The following TP63 variants were observed in gnomAD, a reference collection of about 807,000 sequenced individuals.
TP63 encodes tumor protein p63.
Under a neutral mutation model 82.8 loss-of-function variants are expected in TP63, and 17 were observed. The observed-to-expected ratio is 0.21, with a 90% CI of 0.14 to 0.31. The LOEUF (loss-of-function observed/expected upper bound fraction) is 0.31. Among genes scored for constraint, TP63 ranks in the 10% least tolerant of loss-of-function variants. The pLI is 1.00. For synonymous variants in TP63, 330 were observed against 321.7 expected (o/e 1.03, Z -0.28); for missense variants, 648 against 895.3 (o/e 0.72, Z 3.52).
rs1454332486 is a variant in TP63, at chr3:189,891,315, A to G, written c.1746+433A>G. 3.3e-5 allele frequency among the ~76,000 whole-genome samples: 5 copies of G among 152,364 alleles called. No homozygotes were observed. In the East Asian group the frequency reaches 9.6e-4, roughly 29 times the overall value. On this transcript the variant is annotated intron_variant, in intron 13 of 13. Transcript: ENST00000264731. ...GACACAGTAGTCATTTGCCATGACT[A>G]TTTAAAACAAAACTAGGAATAGAAC...
chr3:189,828,036 T>C (rs564246990), intron 4 of TP63, among the ~76,000 whole-genome samples: 2 of 151,342 alleles, frequency 1.3e-5, no homozygotes, highest in African/African-American at 4.9e-5. Flanking sequence ...AGGTCTGGAG[T>C]TCAAGACCAG....
the TP63 span, among the ~76,000 whole-genome samples, chr3:189,620,569 G>T: frequency 6.7e-6 from 1 of 148,312 alleles, no homozygotes. Flanking sequence ...GAAAAGAAGA[G>T]AATTCAATAG....
At chr3:189,659,139 T>TGAA (rs1713654141) in intron 1 of TP63, among the ~76,000 whole-genome samples, 1 of 152,162 alleles carries the variant, frequency 6.6e-6, no homozygotes, top group East Asian at 1.9e-4. Flanking sequence ...TGCATGATGC[T>TGAA]GAAGTCTGGA....
intron 1 of TP63, among the ~76,000 whole-genome samples, chr3:189,683,988 G>T (rs768681313): frequency 6.6e-6 from 1 of 152,086 alleles, no homozygotes; most frequent in African/African-American, 2.4e-5. Context: ...TTACACCCTG[G>T]ACATCTGCAG....
At chr3:189,709,196 G>C (rs1718418456) in intron 1 of TP63, among the ~76,000 whole-genome samples, 1 of 152,254 alleles carries the variant, frequency 6.6e-6, no homozygotes, top group South Asian at 2.1e-4. Flanking sequence ...GAACAAGGAA[G>C]ATACAATATG....
In TP63 at chr3:189,646,499, T is replaced by C. The variant is rs1712435717; in HGVS notation, c.62+14922T>C. Among the ~76,000 whole-genome samples, 2 of 147,572 alleles carry C rather than the reference T, an allele frequency of 1.4e-5. 1 individual carries two copies. The highest frequency in any genetic ancestry group is 5.1e-5 in the African/African-American group (2 of 39,448). On this transcript the variant is annotated intron_variant, in intron 1 of 13. Coordinates refer to ENST00000264731, the MANE Select transcript of TP63 (RefSeq NM_003722.5). Reference sequence around the variant, plus strand: ...CAATGACTAAACTTTTAATTATTTCTGGATATACATTATAGCTAACATTGA... The same window carrying C: ...CAATGACTAAACTTTTAATTATTTCCGGATATACATTATAGCTAACATTGA...
At chr3:189,711,241 T>C (rs935960975) in intron 1 of TP63, among the ~76,000 whole-genome samples, 1 of 152,164 alleles carries the variant, frequency 6.6e-6, no homozygotes, top group Non-Finnish European at 1.5e-5. Flanking sequence ...CCTTGTGGAA[T>C]TTAGGCCAAG....
intron 1 of TP63, among the ~76,000 whole-genome samples, chr3:189,694,062 T>C (rs989596857): frequency 6.6e-6 from 1 of 152,236 alleles, no homozygotes; most frequent in Non-Finnish European, 1.5e-5. Context: ...TAATAAAGTA[T>C]GTTGGTGTTA....
chr3:189,714,762 CAGAGTT>C (rs1473952170), intron 1 of TP63, among the ~76,000 whole-genome samples: 1 of 152,124 alleles, frequency 6.6e-6, no homozygotes, highest in East Asian at 1.9e-4. Context: ...GCTTGCTTCT[CAGAGTT>C]AGAGTCATTG....
At chr3:189,842,648 A>G (rs1714305531) in intron 4 of TP63, among the ~76,000 whole-genome samples, 1 of 152,170 alleles carries the variant, frequency 6.6e-6, no homozygotes, top group Non-Finnish European at 1.5e-5. Context: ...TTTAATCAGC[A>G]CTGAGAAGAG....
chr3:189,632,469 G>A (rs1729522263), intron 1 of TP63, among the ~76,000 whole-genome samples: 1 of 152,106 alleles, frequency 6.6e-6, no homozygotes, highest in Non-Finnish European at 1.5e-5. Context: ...AGTAGAGTGT[G>A]AAAGATTTGT....
At chr3:189,659,815 A>G (rs767406940) in intron 1 of TP63, among the ~76,000 whole-genome samples, 5 of 151,938 alleles carry the variant, frequency 3.3e-5, no homozygotes, top group Non-Finnish European at 5.9e-5. Flanking sequence ...GAAGTTAAGC[A>G]TGTTTTTTCA....
At chr3:189,676,397 T>C (rs28536004) in intron 1 of TP63, among the ~76,000 whole-genome samples, 77,744 of 151,918 alleles carry the variant, frequency 0.51, 20,054 homozygotes, top group African/African-American at 0.59. Flanking sequence ...CATATGTAAG[T>C]GGGATCATGC....
At chr3:189,809,145 T>C (rs542099520) in intron 4 of TP63, among the ~76,000 whole-genome samples, 44 of 152,164 alleles carry the variant, frequency 2.9e-4, no homozygotes, top group Admixed American at 2.0e-3. Context: ...TTGGAAACAT[T>C]CTTTTCGAAA....
chr3:189,814,012 G>T (rs1727883652), intron 4 of TP63, among the ~76,000 whole-genome samples: 1 of 152,174 alleles, frequency 6.6e-6, no homozygotes, highest in Non-Finnish European at 1.5e-5. Context: ...TAGGGAGGTG[G>T]CGTTTGAAAG....
intron 3 of TP63, among the ~76,000 whole-genome samples, chr3:189,773,332 G>T (rs140647947): frequency 6.6e-6 from 1 of 151,764 alleles, no homozygotes; most frequent in South Asian, 2.1e-4. Context: ...TCTTATTTTC[G>T]GTCAAAGTCC....
intron 1 of TP63, among the ~76,000 whole-genome samples, chr3:189,697,233 G>GAATTTTT (rs1560117520): frequency 7.7e-5 from 11 of 142,270 alleles, no homozygotes; most frequent in African/African-American, 2.6e-4. Flanking sequence ...TCTAGGTTCA[G>GAATTTTT]TTTTTTTTTT....
At chr3:189,885,692 T>C (rs1283106271) in intron 10 of TP63, among the ~76,000 whole-genome samples, 2 of 152,126 alleles carry the variant, frequency 1.3e-5, no homozygotes, top group Non-Finnish European at 2.9e-5. Flanking sequence ...AACTATTGGG[T>C]TTTTCTGTTG....
chr3:189,870,211 A>G (rs1718248876), intron 9 of TP63, among the ~76,000 whole-genome samples: 1 of 152,236 alleles, frequency 6.6e-6, no homozygotes, highest in Non-Finnish European at 1.5e-5. Flanking sequence ...AGGCAGCACT[A>G]TAAAGAAAGC....
Sources: allele counts gnomAD v4.1 joint callset (sites outside exome capture counted in the v4.1 genomes callset), GRCh38; gene constraint gnomAD v4.1.1; transcripts MANE v1.5; gene names NCBI Gene and HGNC (gene_info 2026-07-23, HGNC 2026-07-21).